The following SNX6 variants were observed in gnomAD, a reference collection of about 807,000 sequenced individuals.
SNX6 encodes the protein sorting nexin 6.
Under a neutral mutation model 63.0 loss-of-function variants are expected in SNX6, and 34 were observed. The ratio of observed to expected loss-of-function variants is 0.54; its 90% CI spans 0.41 to 0.72. SNX6 has a LOEUF of 0.72. Among genes scored for constraint, SNX6 ranks in the 30% least tolerant of loss-of-function variants. The pLI, the probability that SNX6 is intolerant of heterozygous loss-of-function variation, is 0.00. For missense variants in SNX6, 398 were observed against 471.4 expected (o/e 0.84, Z 1.44); for synonymous variants, 170 against 164.2 (o/e 1.04, Z -0.27).
intron 13 of SNX6, among the ~76,000 whole-genome samples, chr14:34,567,282 T>G (rs969739650): frequency 6.6e-6 from 1 of 151,846 alleles, no homozygotes; most frequent in South Asian, 2.1e-4. Context: ...AGGACGGGAT[T>G]TCGAGATAAG....
chr14:34,603,241 A>C (rs1216021618), intron 6 of SNX6, 107 bp downstream of exon 6: 20 of 1,069,628 alleles, frequency 1.9e-5, no homozygotes, highest in Non-Finnish European at 2.4e-5. Flanking sequence ...TCATGCCACT[A>C]TGCCACTGTA....
chr14:34,605,290 A>G (rs948180233), intron 5 of SNX6, among the ~76,000 whole-genome samples: 1 of 151,998 alleles, frequency 6.6e-6, no homozygotes, highest in Non-Finnish European at 1.5e-5. Context: ...TTTCCCCTTA[A>G]GTCCAAAGAC....
chr14:34,573,794 T>C (rs57098707), intron 11 of SNX6, among the ~76,000 whole-genome samples: 1 of 151,562 alleles, frequency 6.6e-6, no homozygotes, highest in Non-Finnish European at 1.5e-5. Context: ...AGGTGCCTGC[T>C]ACCATGCCTG....
intron 11 of SNX6, among the ~76,000 whole-genome samples, chr14:34,570,131 C>T (rs962832699): frequency 5.9e-5 from 9 of 151,718 alleles, no homozygotes; most frequent in African/African-American, 1.9e-4. Flanking sequence ...TGCAATGGCG[C>T]GATCTCAGCT....
chr14:34,599,722 G>A (rs995046833), intron 6 of SNX6, among the ~76,000 whole-genome samples: 11 of 149,102 alleles, frequency 7.4e-5, no homozygotes, highest in East Asian at 5.9e-4. Context: ...TGCACTGAGC[G>A]GAGATCACAC....
intron 13 of SNX6, among the ~76,000 whole-genome samples, chr14:34,566,414 T>G (rs1258544834): frequency 6.6e-6 from 1 of 152,128 alleles, no homozygotes; most frequent in South Asian, 2.1e-4. Flanking sequence ...GGTTTCACCA[T>G]GTTGGCCAGG....
chr14:34,568,661 G>A, intron 11 of SNX6: 2 of 845,946 alleles, frequency 2.4e-6, no homozygotes, highest in Non-Finnish European at 1.9e-6. Flanking sequence ...AACGAATGAG[G>A]CAATTTATTA....
chr14:34,618,117 A>G (rs1260719628), intron 2 of SNX6, among the ~76,000 whole-genome samples: 3 of 152,178 alleles, frequency 2.0e-5, no homozygotes, highest in African/African-American at 7.2e-5. Context: ...GACTCTTACA[A>G]TAGTCTCCCA....
intron 6 of SNX6, among the ~76,000 whole-genome samples, chr14:34,599,038 C>G (rs748353310): frequency 2.8e-4 from 42 of 152,138 alleles, no homozygotes; most frequent in Non-Finnish European, 4.9e-4. Flanking sequence ...ACAAAAAGGG[C>G]CACCTATGAA....
intron 9 of SNX6, among the ~76,000 whole-genome samples, chr14:34,582,025 T>C (rs893375797): frequency 6.6e-6 from 1 of 151,582 alleles, no homozygotes; most frequent in African/African-American, 2.4e-5. Context: ...GTCGGGGTTT[T>C]ACCATGTTGG....
chr14:34,586,191 G>A (rs772225940), intron 9 of SNX6, 39 bp downstream of exon 9: 4 of 1,306,624 alleles, frequency 3.1e-6, no homozygotes, highest in Admixed American at 1.8e-5. Context: ...GTGAGCCACC[G>A]CGCCCAGCCT....
intron 9 of SNX6, among the ~76,000 whole-genome samples, chr14:34,584,223 T>C (rs1003926535): frequency 8.5e-5 from 13 of 152,174 alleles, no homozygotes; most frequent in Non-Finnish European, 1.9e-4. Context: ...TGAGACAGAA[T>C]ACACTAGAGA....
chr14:34,571,787 C>T (rs947200811), intron 11 of SNX6, among the ~76,000 whole-genome samples: 1 of 152,160 alleles, frequency 6.6e-6, no homozygotes, highest in Non-Finnish European at 1.5e-5. Flanking sequence ...TGAATATTTG[C>T]GTTGTCAATT....
Position 34,609,725 on chromosome 14 carries a change from T to C in SNX6, c.72A>G (p.Val24=). ...EEDRGLKAIN[V]DLQSDAALQV... ...GCAGAGCAGCATCACTTTGAAGATC[T>C]ACATTTATTGCTTTAAGCTAGAAAA... is the stretch of plus-strand genomic sequence containing the variant. Residue 24 remains valine (V), a synonymous_variant, in exon 3 of 14, where the codon GTA becomes GTG. Transcript: ENST00000362031. 1.9e-6 allele frequency: 3 copies of C among 1,610,134 alleles called. No individual in the cohort carries two copies. The highest frequency in any genetic ancestry group is 2.5e-6 in the Non-Finnish European group (3 of 1,177,104).
Position 34,608,138 on chromosome 14 carries a change from A to G in SNX6, c.162T>C (p.Ser54=). ...DKVKFTVHTK[S]SLPNFKQNEF... ...CGTTTTGTTTAAAATTTGGCAATGA[A>G]CTCTGTAAAGATAGAGATTTTCTTG... is the stretch of plus-strand genomic sequence containing the variant. Residue 54 remains serine (S), a splice_region_variant and synonymous_variant, in exon 4 of 14, where the codon AGT becomes AGC. Transcript: ENST00000362031. 3.8e-6 allele frequency: 6 copies of G among 1,563,192 alleles called. No homozygotes were observed. The highest frequency in any genetic ancestry group is 5.3e-6 in the Non-Finnish European group (6 of 1,141,448).
intron 9 of SNX6, among the ~76,000 whole-genome samples, chr14:34,582,215 T>A (rs1323234409): frequency 6.8e-6 from 1 of 146,738 alleles, no homozygotes; most frequent in East Asian, 2.0e-4. Context: ...CACTGCAACC[T>A]CTGCCTCCTG....
intron 2 of SNX6, among the ~76,000 whole-genome samples, chr14:34,611,482 G>T: frequency 7.5e-6 from 1 of 133,146 alleles, no homozygotes; most frequent in Non-Finnish European, 1.6e-5. Context: ...GTCTCAAAAA[G>T]AAAAAAAAAA....
intron 11 of SNX6, among the ~76,000 whole-genome samples, chr14:34,571,159 T>C (rs1300426152): frequency 1.3e-5 from 2 of 151,708 alleles, no homozygotes; most frequent in Non-Finnish European, 2.9e-5. Flanking sequence ...AGAGGCCAGG[T>C]GCAGTGGCTC....
intron 2 of SNX6, among the ~76,000 whole-genome samples, chr14:34,623,868 A>G (rs911797053): frequency 6.6e-6 from 1 of 152,214 alleles, no homozygotes; most frequent in Non-Finnish European, 1.5e-5. Flanking sequence ...ATCAAGTGCA[A>G]AGAGAATCAT....
Sources: gnomAD v4.1 joint callset for allele counts (sites outside exome capture counted in the v4.1 genomes callset) on GRCh38, gnomAD v4.1.1 for gene constraint, MANE v1.5 for transcripts, NCBI Gene and HGNC (gene_info 2026-07-23, HGNC 2026-07-21) for gene names.